Variants in PARD3B observed in about 807,000 individuals in gnomAD.
PARD3B encodes the protein partitioning defective 3 homolog B.
A neutral mutation model predicts 130.2 loss-of-function variants in PARD3B; 103 were observed. The ratio of observed to expected loss-of-function variants is 0.79; its 90% CI spans 0.67 to 0.93. The LOEUF (loss-of-function observed/expected upper bound fraction) is 0.93. Ranked by LOEUF, PARD3B falls within the 40% of genes least tolerant of loss-of-function variation. The probability of loss-of-function intolerance (pLI) is 0.00; values close to 1 mark genes in which losing one functional copy is unlikely to be tolerated. For missense variants in PARD3B, 1,609 were observed against 1,499.2 expected (o/e 1.07, Z -1.21); for synonymous variants, 583 against 553.2 (o/e 1.05, Z -0.76).
intron 18 of PARD3B, among the ~76,000 whole-genome samples, chr2:205,383,902 C>A (rs1343247334): frequency 6.6e-6 from 1 of 152,052 alleles, no homozygotes; most frequent in African/African-American, 2.4e-5. Flanking sequence ...GTGTTTACTT[C>A]CTTCTTCTAA....
intron 2 of PARD3B, among the ~76,000 whole-genome samples, chr2:204,763,523 C>T (rs2040999800): frequency 1.3e-5 from 2 of 152,022 alleles, no homozygotes; most frequent in Non-Finnish European, 2.9e-5. Flanking sequence ...TTCCATTAAA[C>T]TGGGGAAAAA....
intron 15 of PARD3B, among the ~76,000 whole-genome samples, chr2:205,224,606 A>G (rs892984682): frequency 1.6e-5 from 2 of 122,978 alleles, no homozygotes; most frequent in East Asian, 2.4e-4. Flanking sequence ...TCATCATTCT[A>G]TTCTCTATCT....
chr2:205,600,946 A>T (rs920256007), intron 22 of PARD3B, among the ~76,000 whole-genome samples: 1 of 152,206 alleles, frequency 6.6e-6, no homozygotes, highest in Non-Finnish European at 1.5e-5. Flanking sequence ...GCAATTGTGA[A>T]TAGTGCTGCA....
intron 15 of PARD3B, among the ~76,000 whole-genome samples, chr2:205,214,256 T>G (rs1005690567): frequency 6.6e-5 from 10 of 152,116 alleles, no homozygotes; most frequent in Non-Finnish European, 1.5e-4. Flanking sequence ...TAAAACTGTT[T>G]GCACAAAAAT....
At position 205,345,797 on chromosome 2, in the gene PARD3B, G is replaced by A. The variant is rs1443086643; in HGVS notation, c.2630+44096G>A. 7.2e-5 allele frequency among the ~76,000 whole-genome samples: 2 copies of A among 27,644 alleles called. 1 individual carries two copies. The highest frequency in any genetic ancestry group is 1.0e-4 in the African/African-American group (2 of 19,444). 18.1% of individuals were successfully genotyped at this position (27,644 alleles called of 152,430 possible). A position where few individuals can be genotyped will look rare whatever the true frequency, so the allele number is the denominator to read the frequency against. On this transcript the variant is annotated intron_variant, in intron 18 of 22. Coordinates refer to ENST00000406610, the MANE Select transcript of PARD3B (RefSeq NM_001302769.2). ...GAAACTGAATAGTTACAAGGGCACA[G>A]TGGCAATTATGATGCTTTACAAAAA...
At chr2:204,601,979 GC>G (rs1559178702) in intron 1 of PARD3B, among the ~76,000 whole-genome samples, 1 of 151,884 alleles carries the variant, frequency 6.6e-6, no homozygotes, top group Non-Finnish European at 1.5e-5. Context: ...TATAATTATG[GC>G]GACTTTAGAC....
intron 16 of PARD3B, among the ~76,000 whole-genome samples, chr2:205,272,756 T>C (rs1175383483): frequency 6.6e-6 from 1 of 152,164 alleles, no homozygotes; most frequent in Non-Finnish European, 1.5e-5. Context: ...AAGACATAAT[T>C]CTGTCCCTTT....
rs1252887618 is a variant in PARD3B, at chr2:204,931,957, C to A, written c.223-33195C>A. 3.3e-5 allele frequency among the ~76,000 whole-genome samples: 5 copies of A among 152,138 alleles called. No individual in the cohort carries two copies. The East Asian group carries it at 9.6e-4, about 29-fold the overall frequency. ...TGATTATGAGCAGTATTTAATTACACAGCTGCAAAATTCTTAAGACATTTG... is the reference window on the plus strand; with the variant it reads ...TGATTATGAGCAGTATTTAATTACAAAGCTGCAAAATTCTTAAGACATTTG... On this transcript the variant is annotated intron_variant, in intron 2 of 22. Transcript: ENST00000406610.
intron 1 of PARD3B, among the ~76,000 whole-genome samples, chr2:204,560,725 G>A (rs2031253764): frequency 1.3e-5 from 2 of 152,148 alleles, no homozygotes; most frequent in Admixed American, 1.3e-4. Context: ...AAGGGTCAAA[G>A]CCAGAGTTAA....
chr2:205,606,740 C>G (rs62171588), intron 22 of PARD3B, among the ~76,000 whole-genome samples: 1 of 152,214 alleles, frequency 6.6e-6, no homozygotes, highest in Non-Finnish European at 1.5e-5. Flanking sequence ...AGGCTGTTAG[C>G]TCTGTATCTT....
At chr2:205,467,517 T>C (rs774932261) in intron 20 of PARD3B, among the ~76,000 whole-genome samples, 1 of 152,250 alleles carries the variant, frequency 6.6e-6, no homozygotes, top group Non-Finnish European at 1.5e-5. Context: ...AATTTTATAA[T>C]ATATTTTATT....
intron 4 of PARD3B, among the ~76,000 whole-genome samples, chr2:205,052,751 G>A (rs915504100): frequency 6.6e-6 from 1 of 151,966 alleles, no homozygotes; most frequent in Non-Finnish European, 1.5e-5. Flanking sequence ...AATAATGAAG[G>A]TTAGTTCATC....
chr2:205,185,948 T>A, intron 14 of PARD3B, 85 bp downstream of exon 14: 1 of 1,084,846 alleles, frequency 9.2e-7, no homozygotes, highest in Non-Finnish European at 1.4e-6. Context: ...AAACTTATTT[T>A]AACTCTATTT....
At chr2:204,759,261 G>A (rs1239858068) in intron 2 of PARD3B, among the ~76,000 whole-genome samples, 1 of 151,994 alleles carries the variant, frequency 6.6e-6, no homozygotes, top group Non-Finnish European at 1.5e-5. Flanking sequence ...GTTTTTTGTA[G>A]TGTTAATTTA....
intron 2 of PARD3B, among the ~76,000 whole-genome samples, chr2:204,953,032 A>T (rs868408818): frequency 6.9e-6 from 1 of 144,572 alleles, no homozygotes; most frequent in Non-Finnish European, 1.5e-5. Context: ...ATATGTGTGT[A>T]TATATGTATA....
intron 4 of PARD3B, chr2:205,103,741 A>C: frequency 1.0e-6 from 1 of 985,418 alleles, no homozygotes; most frequent in Non-Finnish European, 1.2e-6. Flanking sequence ...CGTGCTTTCT[A>C]GAATCCATCC....
At position 204,965,334 on chromosome 2, in the gene PARD3B, T is replaced by C. The variant is rs994968934; in HGVS notation, c.394+11T>C. 2.5e-6 allele frequency: 4 copies of C among 1,611,626 alleles called. No individual in the cohort carries two copies. Among genetic ancestry groups the C allele is most frequent in the Non-Finnish European group, 3.4e-6 (4 of 1,178,590 alleles). ...CTGCTCTAAAACTAGGTATGTGTAA[T>C]GTTTATGATATTCTTTTCACCTGAC... is the stretch of plus-strand genomic sequence containing the variant. On this transcript the variant is annotated intron_variant, in intron 3 of 22. Coordinates refer to ENST00000406610, the MANE Select transcript of PARD3B (RefSeq NM_001302769.2).
chr2:204,894,737 T>A (rs972390140), intron 2 of PARD3B, among the ~76,000 whole-genome samples: 8 of 152,054 alleles, frequency 5.3e-5, no homozygotes, highest in African/African-American at 9.7e-5. Flanking sequence ...GGTTGGACAT[T>A]TAAAGGGGAT....
At chr2:205,085,600 A>G (rs1380034697) in intron 4 of PARD3B, among the ~76,000 whole-genome samples, 1 of 152,078 alleles carries the variant, frequency 6.6e-6, no homozygotes, top group Admixed American at 6.6e-5. Context: ...TGTATACATT[A>G]TCATTCATTG....
Sources: allele counts gnomAD v4.1 joint callset (sites outside exome capture counted in the v4.1 genomes callset), GRCh38; gene constraint gnomAD v4.1.1; transcripts MANE v1.5; gene names NCBI Gene and HGNC (gene_info 2026-07-23, HGNC 2026-07-21).